Variants in DEFB110 observed in about 807,000 individuals in gnomAD.
The protein encoded by DEFB110 is beta-defensin 110.
In DEFB110, 4 loss-of-function variants were observed where a neutral mutation model predicts 2.5. The ratio of observed to expected loss-of-function variants is 1.60; its 90% confidence interval spans 0.79 to 3.66. The LOEUF (loss-of-function observed/expected upper bound fraction) is 3.66. Ranked by LOEUF, DEFB110 falls within the 30% of genes most tolerant of loss-of-function variation. DEFB110 has a pLI of 0.01. For missense variants in DEFB110, 94 were observed against 75.4 expected, an observed-to-expected ratio of 1.25 and a Z score of -0.91; for synonymous variants, 29 against 21.8, an observed-to-expected ratio of 1.33 and a Z score of -0.92.
intron 1 of DEFB110, chr6:50,009,349 T>C (rs1201315436): frequency 1.4e-6 from 2 of 1,455,592 alleles, no homozygotes; most frequent in East Asian, 2.3e-5. Context: ...AGACAAAAAC[T>C]GTTCCAGTTA....
At chr6:50,009,199 C>A (rs376368158) in exon 2 of DEFB110, 7 of 1,610,892 alleles carry the variant, frequency 4.3e-6, no homozygotes, top group Non-Finnish European at 5.9e-6. Context: ...AACATCATCA[C>A]AAAACGTTTT....
intron 1 of DEFB110, among the ~76,000 whole-genome samples, chr6:50,011,194 T>C (rs114962685): frequency 0.015 from 2,310 of 151,404 alleles, 55 homozygotes; most frequent in African/African-American, 0.053. Context: ...TATTGATATA[T>C]ATATATCAAT....
At chr6:50,011,128 C>T (rs888946405) in intron 1 of DEFB110, among the ~76,000 whole-genome samples, 5 of 150,970 alleles carry the variant, frequency 3.3e-5, no homozygotes, top group African/African-American at 7.3e-5. Context: ...AAAATAACAT[C>T]CCTTTGTATT....
rs1333243392 is a variant in DEFB110, at chr6:50,019,048, G to A, written c.133C>T (p.Gln45Ter). Residue 45 changes from glutamine to a stop codon, truncating the protein, a stop_gained, in exon 2 of 2, where the codon CAG (glutamine) becomes TAG (stop). Coordinates refer to ENST00000371148, the MANE Select transcript of DEFB110 (RefSeq NM_001037497.2). LOFTEE classifies it high-confidence loss of function. ...CRIGNGQCKNQCHENEIRIAY... is the reference protein window; with the variant it reads ...CRIGNGQCKN Reference sequence around the variant, plus strand: ...ATCCTAATTTCATTTTCATGACACTGATTTTTACATTGACCATTACCTATT... The same window carrying A: ...ATCCTAATTTCATTTTCATGACACTAATTTTTACATTGACCATTACCTATT... 4 of 1,612,988 alleles carry A rather than the reference G, an allele frequency of 2.5e-6. No homozygotes were observed. The Admixed American group carries it at 6.7e-5, about 27-fold the overall frequency.
rs771498764 is a variant in DEFB110 at position 50,019,123 on chromosome 6, T to C, written c.58A>G (p.Lys20Glu). The C allele has an allele frequency of 6.2e-7, 1 of 1,611,248 alleles. No individual in the cohort carries two copies. Among genetic ancestry groups the C allele is most frequent in the South Asian group, 1.1e-5 (1 of 90,604 alleles). Residue 20 changes from lysine (K) to glutamate (E), a missense_variant and splice_region_variant, in exon 2 of 2, where the codon AAA becomes GAA. By Grantham distance (56) the Lys-to-Glu change is moderately conservative. Transcript: ENST00000371148. ...LHFWVTILPA[K>E]KKYPEYGSLD... Reference sequence around the variant, plus strand: ...CTACCATACTCAGGATATTTCTTTTTGGCTGTAAGAAGGGAAGAATGACTA... The same window carrying C: ...CTACCATACTCAGGATATTTCTTTTCGGCTGTAAGAAGGGAAGAATGACTA...
intron 1 of DEFB110, among the ~76,000 whole-genome samples, chr6:50,010,286 T>C (rs984381744): frequency 7.9e-5 from 12 of 151,922 alleles, no homozygotes; most frequent in Admixed American, 5.9e-4. Context: ...TTATGTAATA[T>C]CTGTTAATAG....
chr6:50,009,859 G>A (rs1260630135), intron 1 of DEFB110, among the ~76,000 whole-genome samples: 3 of 152,058 alleles, frequency 2.0e-5, no homozygotes, highest in Non-Finnish European at 4.4e-5. Flanking sequence ...CCTCACATTA[G>A]TATTCTATTA....
chr6:50,020,435 T>C (rs896934716), intron 1 of DEFB110, among the ~76,000 whole-genome samples: 1 of 151,990 alleles, frequency 6.6e-6, no homozygotes, highest in African/African-American at 2.4e-5. Flanking sequence ...TCATTTGTTT[T>C]GTAGCCTTTT....
At chr6:50,018,704 T>C (rs1278293488), downstream of DEFB110, 1 of 699,662 alleles carries the variant, frequency 1.4e-6, no homozygotes, top group Non-Finnish European at 1.9e-6. Flanking sequence ...CACATAAAAG[T>C]TGTGGAACTT....
chr6:50,019,779 C>A (rs2113942862), intron 1 of DEFB110, among the ~76,000 whole-genome samples: 1 of 151,724 alleles, frequency 6.6e-6, no homozygotes, highest in East Asian at 1.9e-4. Context: ...AAAATAATAA[C>A]TTACAAACAA....
intron 1 of DEFB110, among the ~76,000 whole-genome samples, chr6:50,011,010 A>G (rs1774218259): frequency 6.6e-6 from 1 of 151,944 alleles, no homozygotes; most frequent in South Asian, 2.1e-4. Context: ...ATAGAACCAT[A>G]TAAAAACAAA....
rs768339031 is a variant in DEFB110 at position 50,019,128 on chromosome 6, G to A, written c.56-3C>T. ...ATACTCAGGATATTTCTTTTTGGCT[G>A]TAAGAAGGGAAGAATGACTAAAATT... On this transcript the variant is annotated splice_polypyrimidine_tract_variant and splice_region_variant and intron_variant, in intron 1 of 1. Transcript: ENST00000371148. 6 of 1,610,294 alleles carry A rather than the reference G, an allele frequency of 3.7e-6. No individual in the cohort carries two copies. The highest frequency in any genetic ancestry group is 5.1e-6 in the Non-Finnish European group (6 of 1,178,322).
chr6:50,018,820 T>C (rs1319455306), downstream of DEFB110: 7 of 1,317,780 alleles, frequency 5.3e-6, no homozygotes, highest in Non-Finnish European at 6.7e-6. Context: ...GCACCAGACA[T>C]GAGCGTGACA....
chr6:50,019,562 A>C (rs1342326686), intron 1 of DEFB110, among the ~76,000 whole-genome samples: 1 of 152,052 alleles, frequency 6.6e-6, no homozygotes, highest in Non-Finnish European at 1.5e-5. Flanking sequence ...CTAAAATGTC[A>C]AGAGCTAGGC....
At position 50,019,111 on chromosome 6, in the gene DEFB110, GAT is replaced by G. The variant is rs747658017; in HGVS notation, c.68_69del (p.Tyr23SerfsTer2). ...WVTILPAKKKYPEYGSLDLRR... is the reference protein window; with the variant it reads ...WVTILPAKKKXPEYGSLDLRR... Reference sequence around the variant, plus strand: ...CTCAAGTCCAAGCTACCATACTCAGGATATTTCTTTTTGGCTGTAAGAAGGGA... The same window carrying G: ...CTCAAGTCCAAGCTACCATACTCAGGATTTCTTTTTGGCTGTAAGAAGGGA... On this transcript the variant is annotated frameshift_variant, in exon 2 of 2. Coordinates refer to ENST00000371148, the MANE Select transcript of DEFB110 (RefSeq NM_001037497.2). LOFTEE classifies it low-confidence loss of function (END_TRUNC). 2.7e-5 allele frequency: 43 copies of G among 1,611,802 alleles called. No individual in the cohort carries two copies. The South Asian group carries it at 3.9e-4, about 14-fold the overall frequency.
chr6:50,015,371 G>T (rs140044714), downstream of DEFB110, among the ~76,000 whole-genome samples: 728 of 151,788 alleles, frequency 4.8e-3, 7 homozygotes, highest in African/African-American at 0.017. Context: ...TAAAAGTCAA[G>T]ATCTTTTCTA....
At chr6:50,020,409 G>A (rs371326277) in intron 1 of DEFB110, among the ~76,000 whole-genome samples, 5 of 151,052 alleles carry the variant, frequency 3.3e-5, no homozygotes, top group South Asian at 2.1e-4. Context: ...TACCCTGGCC[G>A]ATTCGTTTTC....
chr6:50,019,157 C>A, intron 1 of DEFB110, 32 bp from the exon 2 acceptor site: 2 of 1,603,882 alleles, frequency 1.2e-6, no homozygotes, highest in South Asian at 1.1e-5. Context: ...TAAAATTAGC[C>A]ATCTAGCTAT....
chr6:50,012,271 G>A (rs550975698), intron 1 of DEFB110, among the ~76,000 whole-genome samples: 17 of 151,514 alleles, frequency 1.1e-4, no homozygotes, highest in South Asian at 4.2e-4. Context: ...CAAAATTCTC[G>A]TCTTAAAGTT....
Sources: gnomAD v4.1 joint callset for allele counts (sites outside exome capture counted in the v4.1 genomes callset) on GRCh38, gnomAD v4.1.1 for gene constraint, MANE v1.5 for transcripts, NCBI Gene and HGNC (gene_info 2026-07-23, HGNC 2026-07-21) for gene names.